SLC6A5: variants seen among roughly 807,000 people sequenced by gnomAD.
The protein encoded by SLC6A5 is solute carrier family 6 member 5.
In SLC6A5, 58 loss-of-function variants were observed where a neutral mutation model predicts 90.5. That is an observed-to-expected ratio of 0.64 (90% CI 0.52 to 0.80). SLC6A5 has a LOEUF of 0.80. Ranked by LOEUF, SLC6A5 falls within the 30% of genes least tolerant of loss-of-function variation. The probability of loss-of-function intolerance (pLI) is 0.00; values close to 1 mark genes in which losing one functional copy is unlikely to be tolerated. For synonymous variants in SLC6A5, 427 were observed against 401.4 expected (o/e 1.06, Z -0.76); for missense variants, 1,015 against 1,017.6 (o/e 1.00, Z 0.03).
intron 15 of SLC6A5, among the ~76,000 whole-genome samples, chr11:20,653,961 A>G (rs948806491): frequency 2.0e-5 from 3 of 152,280 alleles, no homozygotes; most frequent in African/African-American, 7.2e-5. Flanking sequence ...TCTAAGTACC[A>G]GCTTCACTTT....
chr11:20,620,044 G>T (rs551540933), intron 7 of SLC6A5, among the ~76,000 whole-genome samples: 1 of 152,310 alleles, frequency 6.6e-6, no homozygotes. Flanking sequence ...CATCTCCAAA[G>T]GGCCCAGCCA....
At chr11:20,647,942 C>T (rs1016721492) in intron 14 of SLC6A5, among the ~76,000 whole-genome samples, 2 of 152,190 alleles carry the variant, frequency 1.3e-5, no homozygotes, top group African/African-American at 2.4e-5. Context: ...TGACATTCAC[C>T]TTCTTAAAGA....
chr11:20,654,039 A>G (rs970661201), intron 15 of SLC6A5, among the ~76,000 whole-genome samples: 1 of 152,176 alleles, frequency 6.6e-6, no homozygotes, highest in Non-Finnish European at 1.5e-5. Context: ...TTTCTAGAAA[A>G]TGTTTCAGTC....
intron 13 of SLC6A5, among the ~76,000 whole-genome samples, 185 bp downstream of exon 13, chr11:20,638,743 A>G (rs957095416): frequency 2.0e-5 from 3 of 152,214 alleles, no homozygotes; most frequent in African/African-American, 7.2e-5. Context: ...CAAATTTAAT[A>G]GGGAAACAAG....
intron 6 of SLC6A5, among the ~76,000 whole-genome samples, chr11:20,616,409 T>C (rs1294442668): frequency 1.3e-5 from 2 of 152,144 alleles, no homozygotes; most frequent in Admixed American, 1.3e-4. Flanking sequence ...TACTAAAAAG[T>C]GATTTGCAAA....
intron 9 of SLC6A5, 135 bp downstream of exon 9, chr11:20,628,218 G>A (rs944086269): frequency 1.5e-5 from 11 of 757,092 alleles, no homozygotes; most frequent in Non-Finnish European, 2.5e-5. Context: ...TGGCCTAGGA[G>A]AAACCACCTG....
chr11:20,637,444 A>G lies in SLC6A5; in HGVS notation c.1869+141A>G, dbSNP rs1443890559. On this transcript the variant is annotated intron_variant, in intron 12 of 15. Transcript: ENST00000525748. ...ATTTCCATGTAGATGGCACCAGTTC[A>G]TTAGGGATTCTGACTGCAGAGGGAA... is the stretch of plus-strand genomic sequence containing the variant. 63 of 754,668 alleles carry G rather than the reference A, an allele frequency of 8.3e-5. 1 individual carries two copies. The South Asian group carries it at 9.0e-4, about 11-fold the overall frequency. 46.7% of individuals were successfully genotyped at this position (754,668 alleles called of 1,614,324 possible).
intron 14 of SLC6A5, among the ~76,000 whole-genome samples, chr11:20,647,802 C>T (rs948887829): frequency 1.1e-4 from 17 of 152,206 alleles, no homozygotes; most frequent in African/African-American, 4.1e-4. Flanking sequence ...CTCTAGAATT[C>T]ATGCTCTTAA....
chr11:20,609,487 A>G (rs375217857), intron 5 of SLC6A5, among the ~76,000 whole-genome samples: 2 of 152,124 alleles, frequency 1.3e-5, no homozygotes. Flanking sequence ...GCAGAGCCCC[A>G]CTGCTCTGCT....
At chr11:20,644,074 GTTATAA>G (rs1853364052) in intron 13 of SLC6A5, among the ~76,000 whole-genome samples, 1 of 152,126 alleles carries the variant, frequency 6.6e-6, no homozygotes, top group South Asian at 2.1e-4. Context: ...ATACTGACAA[GTTATAA>G]TTGTATATAT....
intron 10 of SLC6A5, among the ~76,000 whole-genome samples, chr11:20,635,793 T>C (rs1433536607): frequency 6.6e-6 from 1 of 152,144 alleles, no homozygotes; most frequent in Non-Finnish European, 1.5e-5. Context: ...TTGTGCATTG[T>C]AAGAGGCTTA....
At chr11:20,601,800 G>A in intron 2 of SLC6A5, 135 bp downstream of exon 2, 1 of 945,624 alleles carries the variant, frequency 1.1e-6, no homozygotes, top group Non-Finnish European at 1.6e-6. Context: ...TGCGGGAGGC[G>A]GCTTTGGGGC....
Position 20,601,445 on chromosome 11 carries a change from C to G in SLC6A5, c.320C>G (p.Pro107Arg). 1 of 1,608,334 alleles carries G rather than the reference C, an allele frequency of 6.2e-7. No homozygotes were observed. Among genetic ancestry groups the G allele is most frequent in the Non-Finnish European group, 8.5e-7 (1 of 1,177,550 alleles). The change falls in exon 2 of 16, where the codon CCC (proline) becomes CGC (arginine). Residue 107 changes from proline to arginine, a missense_variant. Around this residue, in one of 3 missense-constraint regions of SLC6A5, gnomAD observed 567 missense variants for 507.3 expected, o/e 1.12. Coordinates refer to ENST00000525748, the MANE Select transcript of SLC6A5 (RefSeq NM_004211.5). ...GAGGCGCAAGGCGCGCAGGCCTCGC[C>G]CCCTCCCGGGAGCTCCGGGCCCGGC... Reference protein sequence around the residue: ...LREAQGAQASPPPGSSGPGNA... With the variant: ...LREAQGAQASRPPGSSGPGNA...
At chr11:20,616,985 G>A (rs3758807) in intron 6 of SLC6A5, among the ~76,000 whole-genome samples, 58,861 of 152,046 alleles carry the variant, frequency 0.39, 11,537 homozygotes, top group South Asian at 0.51. Context: ...AGATGGTTGC[G>A]GAGTAGAAAG....
chr11:20,612,099 G>A (rs1852704803), intron 5 of SLC6A5, among the ~76,000 whole-genome samples: 1 of 152,192 alleles, frequency 6.6e-6, no homozygotes. Context: ...TACTGAAAGG[G>A]AAGGGATTCT....
intron 7 of SLC6A5, among the ~76,000 whole-genome samples, chr11:20,620,208 G>A (rs977603128): frequency 2.6e-5 from 4 of 152,190 alleles, no homozygotes; most frequent in African/African-American, 7.2e-5. Context: ...AGGTGAGACT[G>A]CAGGAGGAGA....
At position 20,646,980 on chromosome 11, in the gene SLC6A5, G is replaced by A. The variant is rs201193006; in HGVS notation, c.2070+46G>A. On this transcript the variant is annotated intron_variant, in intron 14 of 15. Coordinates refer to ENST00000525748, the MANE Select transcript of SLC6A5 (RefSeq NM_004211.5). ...CTTGTGCAGACAGCACCTTGCATAC[G>A]TATGTGGTGTTTTACATTTGAACAG... 169 of 1,213,772 alleles carry A rather than the reference G, an allele frequency of 1.4e-4. 1 individual carries two copies. The highest frequency in any genetic ancestry group is 9.3e-4 in the South Asian group (77 of 83,214). The allele number at this position is 1,213,772 out of a possible 1,614,324, so 75.2% of individuals were successfully genotyped here.
chr11:20,617,996 ACT>A, intron 7 of SLC6A5, 112 bp downstream of exon 7: 1 of 1,119,932 alleles, frequency 8.9e-7, no homozygotes, highest in South Asian at 1.2e-5. Context: ...GCTAATTCTG[ACT>A]CTGCCCTGGA....
intron 7 of SLC6A5, among the ~76,000 whole-genome samples, chr11:20,624,441 C>T (rs770612747): frequency 3.3e-5 from 5 of 152,020 alleles, no homozygotes; most frequent in Admixed American, 1.3e-4. Flanking sequence ...TGTGAGCCAA[C>T]GCTCCCGGCC....
Sources: gnomAD v4.1 joint callset for allele counts (sites outside exome capture counted in the v4.1 genomes callset) on GRCh38, gnomAD v4.1.1 for gene constraint, gnomAD v4.1.1 regional missense constraint, MANE v1.5 for transcripts, NCBI Gene and HGNC (gene_info 2026-07-23, HGNC 2026-07-21) for gene names.